The following TPD52L1 variants were observed in gnomAD, a reference collection of about 807,000 sequenced individuals.
TPD52L1 encodes tumor protein D53.
TPD52L1 carries 18 observed loss-of-function variants against 28.7 expected under a neutral mutation model. That is an observed-to-expected ratio of 0.63 (90% confidence interval 0.43 to 0.93). TPD52L1 has a LOEUF of 0.93. Ranked by LOEUF, TPD52L1 falls within the 40% of genes least tolerant of loss-of-function variation. TPD52L1 has a pLI of 0.00. For missense variants in TPD52L1, 203 were observed against 254.8 expected, an observed-to-expected ratio of 0.80 and a Z score of 1.39; for synonymous variants, 75 against 88.8, an observed-to-expected ratio of 0.84 and a Z score of 0.88.
At position 125,229,574 on chromosome 6, in the gene TPD52L1, C is replaced by CT. The variant is rs953730773; in HGVS notation, c.284+315dup. Among the ~76,000 whole-genome samples, 20 of 152,198 alleles carry CT rather than the reference C, an allele frequency of 1.3e-4. No homozygotes were observed. The South Asian group carries it at 3.7e-3, about 28-fold the overall frequency. ...ATATTTTTAACATTTGTCAAATATA[C>CT]TTTTTTTAAAACTTTTTCTCATAAA... On this transcript the variant is annotated intron_variant, in intron 3 of 6. Coordinates refer to ENST00000534000, the MANE Select transcript of TPD52L1 (RefSeq NM_003287.4).
chr6:125,189,083 T>A (rs1792859453), intron 1 of TPD52L1, among the ~76,000 whole-genome samples: 1 of 152,228 alleles, frequency 6.6e-6, no homozygotes, highest in Admixed American at 6.5e-5. Flanking sequence ...AGACTGGTCA[T>A]CTTGGTATAA....
At chr6:125,165,930 C>G (rs766739131) in intron 1 of TPD52L1, among the ~76,000 whole-genome samples, 10 of 152,160 alleles carry the variant, frequency 6.6e-5, no homozygotes, top group Admixed American at 2.0e-4. Context: ...ACCCAGTAAT[C>G]TCAGTATTTT....
At position 125,209,285 on chromosome 6, in the gene TPD52L1, C is replaced by T. The variant is rs112287227; in HGVS notation, c.20-10793C>T. Among the ~76,000 whole-genome samples, 268 of 152,298 alleles carry T rather than the reference C, an allele frequency of 1.8e-3. 1 individual carries two copies. Among genetic ancestry groups the T allele is most frequent in the African/African-American group, 6.2e-3 (258 of 41,574 alleles). ...CAGCCTCAAACATTGGAGTAGAGAACGCCCATCTGGCATTTCTCAGGGCAG... is the reference window on the plus strand; with the variant it reads ...CAGCCTCAAACATTGGAGTAGAGAATGCCCATCTGGCATTTCTCAGGGCAG... On this transcript the variant is annotated intron_variant, in intron 1 of 6. Coordinates refer to ENST00000534000, the MANE Select transcript of TPD52L1 (RefSeq NM_003287.4).
Position 125,257,171 on chromosome 6 carries a change from T to G in TPD52L1, c.486+13T>G, listed in dbSNP as rs1332677206. 2.5e-6 allele frequency: 4 copies of G among 1,605,688 alleles called. No homozygotes were observed. Among genetic ancestry groups the G allele is most frequent in the Non-Finnish European group, 3.4e-6 (4 of 1,173,614 alleles). ...CACAAGCCTCAAGGTACAGATGAAG[T>G]GAATTCTGTGTGAGTGGGTCCATTG... On this transcript the variant is annotated intron_variant, in intron 6 of 6. Transcript: ENST00000534000.
At chr6:125,179,862 A>G (rs1792073077) in intron 1 of TPD52L1, among the ~76,000 whole-genome samples, 1 of 152,210 alleles carries the variant, frequency 6.6e-6, no homozygotes, top group African/African-American at 2.4e-5. Flanking sequence ...GCTCTCATGC[A>G]CTATACCATT....
At chr6:125,252,875 G>A (rs1464487151) in intron 4 of TPD52L1, 1 of 152,178 alleles carries the variant, frequency 6.6e-6, no homozygotes, top group Non-Finnish European at 1.5e-5. Flanking sequence ...TGAGGGAAGG[G>A]TGACAGATTT....
At chr6:125,250,051 CT>C (rs762600818) in intron 4 of TPD52L1, among the ~76,000 whole-genome samples, 2 of 152,234 alleles carry the variant, frequency 1.3e-5, no homozygotes. Context: ...TAACATTTAT[CT>C]AAACTAATTA....
chr6:125,168,838 T>A (rs749193309), intron 1 of TPD52L1, among the ~76,000 whole-genome samples: 1 of 152,186 alleles, frequency 6.6e-6, no homozygotes, highest in South Asian at 2.1e-4. Flanking sequence ...TCTCCCATAC[T>A]GAGGGAAAAT....
rs1391157539 is a variant in TPD52L1 at position 125,253,735 on chromosome 6, C to T, written c.405C>T (p.Ser135=). The change falls in exon 5 of 7, where the codon TCC becomes TCT. Residue 135 remains serine (S), a synonymous_variant. Transcript: ENST00000534000. ...TCTGAAGTTACTCCATTCGCCATTC[C>T]ATAAGTATGCCTGCTATGAGGTAAT... ...FGDMSYSIRH[S]ISMPAMRNSP... The T allele has an allele frequency of 6.2e-7, 1 of 1,613,226 alleles. No homozygotes were observed.
At chr6:125,216,510 G>A (rs1425440818) in intron 1 of TPD52L1, among the ~76,000 whole-genome samples, 1 of 129,480 alleles carries the variant, frequency 7.7e-6, no homozygotes, top group Non-Finnish European at 1.6e-5. Context: ...GTTTGCAACA[G>A]TAAATTCAGT....
intron 1 of TPD52L1, among the ~76,000 whole-genome samples, chr6:125,176,293 T>C (rs752429063): frequency 1.3e-5 from 2 of 152,252 alleles, no homozygotes; most frequent in Non-Finnish European, 2.9e-5. Flanking sequence ...AAAAACATTA[T>C]TCTGCATGTT....
intron 3 of TPD52L1, among the ~76,000 whole-genome samples, chr6:125,239,957 A>C (rs1796517180): frequency 6.6e-6 from 1 of 152,118 alleles, no homozygotes; most frequent in African/African-American, 2.4e-5. Flanking sequence ...TTATAGTTTC[A>C]GGTCTTAGAT....
chr6:125,164,660 T>C (rs905401314), intron 1 of TPD52L1, among the ~76,000 whole-genome samples: 2 of 152,184 alleles, frequency 1.3e-5, no homozygotes, highest in African/African-American at 2.4e-5. Flanking sequence ...ATTACTTGTT[T>C]ACACGAATAT....
chr6:125,215,803 A>G (rs975161912), intron 1 of TPD52L1, among the ~76,000 whole-genome samples: 1 of 152,126 alleles, frequency 6.6e-6, no homozygotes. Context: ...TTCTTTTCTT[A>G]CTAGAATATA....
intron 1 of TPD52L1, among the ~76,000 whole-genome samples, chr6:125,171,737 G>A (rs557049622): frequency 8.3e-4 from 126 of 152,228 alleles, no homozygotes; most frequent in African/African-American, 2.8e-3. Context: ...CAGTATGGCC[G>A]ACACTTTGAC....
chr6:125,183,468 G>C (rs144160029), intron 1 of TPD52L1, among the ~76,000 whole-genome samples: 1,668 of 152,080 alleles, frequency 0.011, 26 homozygotes, highest in African/African-American at 0.037. Flanking sequence ...GACAGAGCGG[G>C]ACTCCATCTC....
At chr6:125,190,428 G>A (rs1792956151) in intron 1 of TPD52L1, among the ~76,000 whole-genome samples, 1 of 152,106 alleles carries the variant, frequency 6.6e-6, no homozygotes, top group South Asian at 2.1e-4. Flanking sequence ...GTCCCAGCAC[G>A]CTTTACAGCA....
chr6:125,161,135 G>A (rs1228752614), intron 1 of TPD52L1, among the ~76,000 whole-genome samples: 2 of 152,172 alleles, frequency 1.3e-5, no homozygotes, highest in East Asian at 1.9e-4. Flanking sequence ...TTACAGGCAT[G>A]AGCCACCATG....
intron 1 of TPD52L1, among the ~76,000 whole-genome samples, chr6:125,155,295 A>T (rs966953001): frequency 2.4e-4 from 37 of 152,264 alleles, no homozygotes; most frequent in African/African-American, 8.7e-4. Context: ...TATTAGAATT[A>T]TTTAGAGAGT....
Sources: gnomAD v4.1 joint callset for allele counts (sites outside exome capture counted in the v4.1 genomes callset) on GRCh38, gnomAD v4.1.1 for gene constraint, MANE v1.5 for transcripts, NCBI Gene and HGNC (gene_info 2026-07-23, HGNC 2026-07-21) for gene names.